Variants in CELF2 observed in about 807,000 individuals in gnomAD.
The protein encoded by CELF2 is CUG triplet repeat RNA-binding protein 2.
A neutral mutation model predicts 62.6 loss-of-function variants in CELF2; 8 were observed. The ratio of observed to expected loss-of-function variants is 0.13; its 90% CI spans 0.07 to 0.23. The LOEUF is 0.23. Among genes scored for constraint, CELF2 ranks in the 10% least tolerant of loss-of-function variants. The pLI is 1.00. For missense variants in CELF2, 333 were observed against 671.0 expected (o/e 0.50, Z 5.56); for synonymous variants, 258 against 250.0 (o/e 1.03, Z -0.30).
At chr10:11,289,374 G>A (rs1027884796) in intron 9 of CELF2, among the ~76,000 whole-genome samples, 9 of 152,066 alleles carry the variant, frequency 5.9e-5, no homozygotes, top group Admixed American at 5.9e-4. Flanking sequence ...CTAAGTGTTG[G>A]AAAAACGTTA....
chr10:10,905,595 A>AG (rs397758140), intron 1 of CELF2, among the ~76,000 whole-genome samples: 4 of 148,330 alleles, frequency 2.7e-5, no homozygotes, highest in East Asian at 2.0e-4. Flanking sequence ...AAAAAAAAAA[A>AG]GGGCTGGGCG....
At chr10:10,892,036 C>A (rs1031103993) in intron 1 of CELF2, among the ~76,000 whole-genome samples, 1 of 152,156 alleles carries the variant, frequency 6.6e-6, no homozygotes, top group African/African-American at 2.4e-5. Flanking sequence ...CATAGACATT[C>A]ATCAAGTAGC....
intron 1 of CELF2, among the ~76,000 whole-genome samples, chr10:10,878,211 ACT>A (rs1225428065): frequency 6.6e-6 from 1 of 151,780 alleles, no homozygotes; most frequent in Non-Finnish European, 1.5e-5. Flanking sequence ...AGAATCCTTC[ACT>A]CTCTGCTAGA....
intron 1 of CELF2, among the ~76,000 whole-genome samples, chr10:11,055,707 C>T (rs753400487): frequency 2.0e-5 from 3 of 152,200 alleles, no homozygotes; most frequent in Non-Finnish European, 2.9e-5. Flanking sequence ...CTCTTGATAG[C>T]GTCTGGAAGG....
At chr10:11,037,948 T>C (rs796161491) in intron 1 of CELF2, among the ~76,000 whole-genome samples, 9 of 142,148 alleles carry the variant, frequency 6.3e-5, no homozygotes, top group African/African-American at 2.0e-4. Flanking sequence ...GAGATTTCTT[T>C]GTTTTGGGGA....
the CELF2 span, among the ~76,000 whole-genome samples, chr10:10,507,729 T>A: frequency 3.0e-5 from 3 of 101,568 alleles, no homozygotes; most frequent in Non-Finnish European, 4.7e-5. Context: ...TTCTTCTGAA[T>A]GTTTTTGAAT....
chr10:11,249,871 C>G (rs1258942105), intron 4 of CELF2, among the ~76,000 whole-genome samples: 1 of 152,130 alleles, frequency 6.6e-6, no homozygotes, highest in Non-Finnish European at 1.5e-5. Flanking sequence ...ACCTTCTGTC[C>G]CTTTTTTGTA....
chr10:10,709,974 T>A, the CELF2 span, among the ~76,000 whole-genome samples: 1 of 152,222 alleles, frequency 6.6e-6, no homozygotes, highest in Non-Finnish European at 1.5e-5. Context: ...GGCTTTGTGC[T>A]TGTGCGAATA....
rs541252573 is a variant in CELF2 at position 11,331,865 on chromosome 10, T to G, written c.*2812T>G. ...TTTTAACCCTTTCTACCCAGAGCTA[T>G]CTGGAATGTTGATGACTTTTTATAC... is the stretch of plus-strand genomic sequence containing the variant. On this transcript the variant is annotated 3_prime_UTR_variant, in exon 13 of 13. Coordinates refer to ENST00000633077, the MANE Select transcript of CELF2 (RefSeq NM_001326342.2). 6.5e-6 allele frequency: 1 copy of G among 152,774 alleles called. No individual in the cohort carries two copies. The highest frequency in any genetic ancestry group is 2.1e-4 in the South Asian group (1 of 4,830). The allele number at this position is 152,774 out of a possible 1,614,324, so 9.5% of individuals were successfully genotyped here. A position where few individuals can be genotyped will look rare whatever the true frequency, so the allele number is the denominator to read the frequency against.
rs77474039 is a variant in CELF2, at chr10:11,059,038, C to T, written c.74+40875C>T. Among the ~76,000 whole-genome samples, 1,149 of 152,224 alleles carry T rather than the reference C, an allele frequency of 7.5e-3. 15 individuals carry two copies. The highest frequency in any genetic ancestry group is 0.026 in the African/African-American group (1,095 of 41,536). ...GCTCAAGCAATGCTTCTTCCTTGGCCGCACAAAGTGCCAGGGTTGCAGCCG... is the reference window on the plus strand; with the variant it reads ...GCTCAAGCAATGCTTCTTCCTTGGCTGCACAAAGTGCCAGGGTTGCAGCCG... On this transcript the variant is annotated intron_variant, in intron 1 of 12. Coordinates refer to ENST00000633077, the MANE Select transcript of CELF2 (RefSeq NM_001326342.2).
chr10:10,753,404 C>T, the CELF2 span, among the ~76,000 whole-genome samples: 1 of 151,618 alleles, frequency 6.6e-6, no homozygotes, highest in Non-Finnish European at 1.5e-5. Flanking sequence ...GAGTGATTCA[C>T]AAAAAAATAT....
At chr10:10,578,015 A>G in the CELF2 span, among the ~76,000 whole-genome samples, 8 of 151,738 alleles carry the variant, frequency 5.3e-5, no homozygotes, top group Non-Finnish European at 1.0e-4. Flanking sequence ...ATCCTCTCCA[A>G]CACCTGTTGT....
intron 1 of CELF2, among the ~76,000 whole-genome samples, chr10:10,808,317 C>A (rs11812500): frequency 0.12 from 17,829 of 152,148 alleles, 1,421 homozygotes; most frequent in East Asian, 0.34. Context: ...ACAAATATAA[C>A]CTGGGGAAGG....
intron 1 of CELF2, among the ~76,000 whole-genome samples, chr10:10,916,554 A>AGTT (rs1309878390): frequency 4.6e-5 from 7 of 152,194 alleles, no homozygotes; most frequent in Admixed American, 6.5e-5. Context: ...CACTGAATAA[A>AGTT]GTTCTGCATT....
chr10:10,910,699 C>CAAA (rs55954207), intron 1 of CELF2, among the ~76,000 whole-genome samples: 11,264 of 91,920 alleles, frequency 0.12, 880 homozygotes, highest in South Asian at 0.24. Flanking sequence ...GACTCTGCCT[C>CAAA]AAAAAAAAAA....
At chr10:11,236,377 A>G (rs963429567) in intron 3 of CELF2, among the ~76,000 whole-genome samples, 30 of 152,358 alleles carry the variant, frequency 2.0e-4, no homozygotes, top group African/African-American at 7.0e-4. Flanking sequence ...AGCATCAATA[A>G]CATTAACAGA....
chr10:10,858,123 G>A (rs887663398), intron 1 of CELF2, among the ~76,000 whole-genome samples: 4 of 152,078 alleles, frequency 2.6e-5, no homozygotes, highest in Non-Finnish European at 5.9e-5. Flanking sequence ...GTCCCAGAAA[G>A]GTTTGAGGAC....
the CELF2 span, among the ~76,000 whole-genome samples, chr10:10,789,803 G>A: frequency 6.6e-6 from 1 of 151,818 alleles, no homozygotes; most frequent in Non-Finnish European, 1.5e-5. Flanking sequence ...ATCTATTATT[G>A]TATCCACAGG....
chr10:10,567,286 A>T, the CELF2 span, among the ~76,000 whole-genome samples: 1 of 152,348 alleles, frequency 6.6e-6, no homozygotes, highest in South Asian at 2.1e-4. Flanking sequence ...GACCAGGAAA[A>T]GTGCATTGAC....
Sources: allele counts gnomAD v4.1 joint callset (sites outside exome capture counted in the v4.1 genomes callset), GRCh38; gene constraint gnomAD v4.1.1; transcripts MANE v1.5; gene names NCBI Gene and HGNC (gene_info 2026-07-23, HGNC 2026-07-21).